Variants in PTPRT observed in about 807,000 individuals in gnomAD.
The protein encoded by PTPRT is protein tyrosine phosphatase receptor type T, also known as receptor-type tyrosine-protein phosphatase T.
A neutral mutation model predicts 176.8 loss-of-function variants in PTPRT; 56 were observed. The ratio of observed to expected loss-of-function variants is 0.32; its 90% CI spans 0.26 to 0.40. The LOEUF (loss-of-function observed/expected upper bound fraction) is 0.40. PTPRT is among the 10% of genes least tolerant of loss of function. The pLI, the probability that PTPRT is intolerant of heterozygous loss-of-function variation, is 1.00. For synonymous variants in PTPRT, 783 were observed against 739.0 expected (o/e 1.06, Z -0.96); for missense variants, 1,540 against 1,908.2 (o/e 0.81, Z 3.60).
chr20:42,258,822 G>A (rs1049702556), intron 13 of PTPRT, among the ~76,000 whole-genome samples: 6 of 152,088 alleles, frequency 3.9e-5, no homozygotes, highest in African/African-American at 1.4e-4. Flanking sequence ...TTAAGTAGCT[G>A]GAAAATACCA....
intron 19 of PTPRT, among the ~76,000 whole-genome samples, chr20:42,124,192 C>T (rs770795412): frequency 4.6e-5 from 7 of 152,202 alleles, no homozygotes; most frequent in Non-Finnish European, 1.0e-4. Flanking sequence ...TCTGGGGATT[C>T]GCCAAGAGCG....
chr20:42,713,197 A>C (rs2076172164), intron 6 of PTPRT, among the ~76,000 whole-genome samples: 1 of 151,950 alleles, frequency 6.6e-6, no homozygotes, highest in Non-Finnish European at 1.5e-5. Context: ...TAACATTGGT[A>C]ATCTCCAGGG....
intron 15 of PTPRT, among the ~76,000 whole-genome samples, chr20:42,218,864 G>A (rs548201853): frequency 5.9e-5 from 9 of 152,310 alleles, no homozygotes; most frequent in Non-Finnish European, 1.0e-4. Flanking sequence ...ATGTCAAAAT[G>A]TCATTAAGGA....
the PTPRT span, among the ~76,000 whole-genome samples, chr20:42,033,001 C>A: frequency 6.6e-6 from 1 of 152,176 alleles, no homozygotes; most frequent in African/African-American, 2.4e-5. Context: ...CAAGAAAGAC[C>A]TTTAGCCAGA....
intron 1 of PTPRT, among the ~76,000 whole-genome samples, chr20:43,062,201 A>T (rs1200022917): frequency 6.6e-6 from 1 of 152,190 alleles, no homozygotes; most frequent in Non-Finnish European, 1.5e-5. Flanking sequence ...CAAAACCAAA[A>T]CTCTGCACTT....
At chr20:42,542,891 G>A (rs1390826517) in intron 7 of PTPRT, among the ~76,000 whole-genome samples, 1 of 152,188 alleles carries the variant, frequency 6.6e-6, no homozygotes, top group African/African-American at 2.4e-5. Context: ...GTCTATAAAA[G>A]TTATGTGTAC....
At chr20:42,130,276 A>G (rs548856741) in intron 18 of PTPRT, among the ~76,000 whole-genome samples, 2 of 152,234 alleles carry the variant, frequency 1.3e-5, no homozygotes, top group Non-Finnish European at 2.9e-5. Flanking sequence ...ACAAGGAGAC[A>G]CTGCCTGCCC....
chr20:42,410,312 T>C (rs868274105), intron 9 of PTPRT, among the ~76,000 whole-genome samples: 7 of 152,088 alleles, frequency 4.6e-5, no homozygotes, highest in Middle Eastern at 6.8e-3. Context: ...ATCTAGATAA[T>C]AATGTAGATG....
At chr20:42,848,030 T>C (rs1047658940) in intron 2 of PTPRT, among the ~76,000 whole-genome samples, 2 of 152,160 alleles carry the variant, frequency 1.3e-5, no homozygotes, top group Non-Finnish European at 2.9e-5. Context: ...GTCATTCTTA[T>C]GCCTTTGCAT....
chr20:42,187,565 C>T (rs773659716), intron 16 of PTPRT, among the ~76,000 whole-genome samples: 1 of 152,218 alleles, frequency 6.6e-6, no homozygotes, highest in Non-Finnish European at 1.5e-5. Flanking sequence ...GATAGTCCGC[C>T]CTATGGCTCT....
intron 7 of PTPRT, among the ~76,000 whole-genome samples, chr20:42,657,807 A>G (rs1239774856): frequency 6.6e-6 from 1 of 152,180 alleles, no homozygotes. Context: ...ATATTCCTGA[A>G]GTATACAGAT....
chr20:43,161,764 C>A (rs972871831), intron 1 of PTPRT, among the ~76,000 whole-genome samples: 3 of 151,882 alleles, frequency 2.0e-5, no homozygotes, highest in Non-Finnish European at 4.4e-5. Flanking sequence ...CTCTGATGGG[C>A]AAAAAAACCC....
chr20:42,743,920 C>T (rs1025980399), intron 6 of PTPRT, among the ~76,000 whole-genome samples: 8 of 152,208 alleles, frequency 5.3e-5, no homozygotes, highest in East Asian at 1.9e-4. Context: ...AAATGATTGG[C>T]GGTGCTTGTT....
intron 1 of PTPRT, among the ~76,000 whole-genome samples, chr20:43,138,855 C>A (rs1319820701): frequency 6.6e-6 from 1 of 152,176 alleles, no homozygotes; most frequent in East Asian, 1.9e-4. Flanking sequence ...CAAACCACAA[C>A]CAGGTGGATG....
chr20:43,064,843 C>T (rs1987620331), intron 1 of PTPRT, among the ~76,000 whole-genome samples: 1 of 152,190 alleles, frequency 6.6e-6, no homozygotes, highest in Non-Finnish European at 1.5e-5. Context: ...GTGTCAAGAT[C>T]CAACAGGCCG....
chr20:42,385,973 A>G (rs1026560548), intron 9 of PTPRT, among the ~76,000 whole-genome samples: 4 of 152,236 alleles, frequency 2.6e-5, no homozygotes, highest in African/African-American at 9.6e-5. Flanking sequence ...TTCTTATCAC[A>G]ATATAAATAA....
intron 7 of PTPRT, among the ~76,000 whole-genome samples, chr20:42,623,324 C>G (rs1480133021): frequency 6.6e-6 from 1 of 152,208 alleles, no homozygotes. Flanking sequence ...GGCCAGAGGC[C>G]AAAGTCCTTG....
chr20:42,677,580 A>T (rs1362394397), intron 7 of PTPRT, among the ~76,000 whole-genome samples: 1 of 152,162 alleles, frequency 6.6e-6, no homozygotes, highest in Non-Finnish European at 1.5e-5. Flanking sequence ...CATCAGAAAC[A>T]CTATTAGATC....
At chr20:42,868,242 A>G (rs780128780) in intron 2 of PTPRT, among the ~76,000 whole-genome samples, 64 of 152,196 alleles carry the variant, frequency 4.2e-4, no homozygotes, top group Admixed American at 5.2e-4. Flanking sequence ...CTTAGATATT[A>G]TAAGTATAGT....
Sources: allele counts gnomAD v4.1 joint callset (sites outside exome capture counted in the v4.1 genomes callset), GRCh38; gene constraint gnomAD v4.1.1; transcripts MANE v1.5; gene names NCBI Gene and HGNC (gene_info 2026-07-23, HGNC 2026-07-21).